FBXO11: variants seen among roughly 807,000 people sequenced by gnomAD.
The protein encoded by FBXO11 is F-box only protein 11.
FBXO11 carries 13 observed loss-of-function variants against 117.0 expected under a neutral mutation model. The observed-to-expected ratio is 0.11, with a 90% CI of 0.07 to 0.18. The LOEUF is 0.18. Ranked by LOEUF, FBXO11 falls within the 10% of genes least tolerant of loss-of-function variation. FBXO11 has a pLI of 1.00. For synonymous variants in FBXO11, 490 were observed against 380.5 expected (o/e 1.29, Z -3.35); for missense variants, 767 against 1,164.4 (o/e 0.66, Z 4.97).
intron 1 of FBXO11, among the ~76,000 whole-genome samples, chr2:47,875,147 G>A (rs1032844347): frequency 2.6e-5 from 4 of 151,944 alleles, no homozygotes; most frequent in South Asian, 2.1e-4. Flanking sequence ...CCGTATCTGT[G>A]CAGTCCAACA....
At position 47,899,357 on chromosome 2, in the gene FBXO11, T is replaced by C. The variant is rs117420999; in HGVS notation, c.232+6132A>G. On this transcript the variant is annotated intron_variant, in intron 1 of 22. Transcript: ENST00000403359. ...TTGTAACAAGTCATACAGATTGAAT[T>C]TTATCTCTTGGGTTTAATTTTATAT... 7.6e-3 allele frequency among the ~76,000 whole-genome samples: 1,155 copies of C among 152,260 alleles called. 83 individuals are homozygous for C. Among genetic ancestry groups the C allele is most frequent in the Admixed American group, 0.066 (1,008 of 15,298 alleles).
chr2:47,821,754 C>T (rs558226162), intron 13 of FBXO11, among the ~76,000 whole-genome samples: 12 of 152,228 alleles, frequency 7.9e-5, no homozygotes, highest in African/African-American at 2.6e-4. Context: ...CACTGCACTC[C>T]AGCCTAGGCA....
intron 1 of FBXO11, among the ~76,000 whole-genome samples, chr2:47,853,452 T>G (rs1428533022): frequency 6.6e-6 from 1 of 152,136 alleles, no homozygotes; most frequent in Admixed American, 6.6e-5. Context: ...TTAAATCAGA[T>G]CCTTTATTTT....
intron 1 of FBXO11, among the ~76,000 whole-genome samples, chr2:47,890,996 A>AAT (rs563213311): frequency 2.0e-5 from 3 of 149,072 alleles, no homozygotes; most frequent in African/African-American, 4.9e-5. Flanking sequence ...TTTTTTTTTA[A>AAT]TTTTTTTTGT....
At chr2:47,874,662 G>C (rs1210571063) in intron 1 of FBXO11, among the ~76,000 whole-genome samples, 1 of 152,062 alleles carries the variant, frequency 6.6e-6, no homozygotes, top group East Asian at 1.9e-4. Context: ...AGCCTCCTGA[G>C]TAGCTGGGAC....
intron 1 of FBXO11, among the ~76,000 whole-genome samples, chr2:47,846,530 G>A (rs567034686): frequency 6.6e-6 from 1 of 152,010 alleles, no homozygotes; most frequent in African/African-American, 2.4e-5. Flanking sequence ...TTATGCCAAT[G>A]ATTGTCAAGT....
At chr2:47,854,796 T>A (rs1239639908) in intron 1 of FBXO11, among the ~76,000 whole-genome samples, 1 of 151,778 alleles carries the variant, frequency 6.6e-6, no homozygotes, top group Non-Finnish European at 1.5e-5. Context: ...TTGAGAACCA[T>A]GGGAGTCAAA....
Position 47,900,595 on chromosome 2 carries a change from T to TATAC in FBXO11, c.232+4893_232+4894insGTAT, listed in dbSNP as rs1558486184. Among the ~76,000 whole-genome samples the TATAC allele has an allele frequency of 1.8e-4, 21 of 114,820 alleles. 3 individuals are homozygous for TATAC. The highest frequency in any genetic ancestry group is 4.0e-4 in the Admixed American group (5 of 12,566). The allele number at this position is 114,820 out of a possible 152,430, so 75.3% of individuals were successfully genotyped here. On this transcript the variant is annotated intron_variant, in intron 1 of 22. Coordinates refer to ENST00000403359, the MANE Select transcript of FBXO11 (RefSeq NM_001190274.2). ...ACGTATACACACATATATACGTATA[T>TATAC]ACACACGTATACACACGTATATACA...
intron 1 of FBXO11, among the ~76,000 whole-genome samples, chr2:47,862,036 C>T (rs1041471842): frequency 3.4e-4 from 52 of 152,236 alleles, no homozygotes; most frequent in South Asian, 6.2e-4. Flanking sequence ...CCACAGCCTC[C>T]CGAGTGGCTG....
At chr2:47,823,114 A>G (rs748770575) in intron 12 of FBXO11, 29 bp downstream of exon 12, 1 of 1,508,446 alleles carries the variant, frequency 6.6e-7, no homozygotes, top group Non-Finnish European at 9.0e-7. Flanking sequence ...GTGAAAAAGT[A>G]ATTTTCACCC....
rs7578328 is a variant in FBXO11, at chr2:47,820,077, C to A, written c.1797+285G>T. ...GCAAATGAACTGCTGCTGAGGCTAG[C>A]CCATATTGCCAATAATAAAGACTTT... is the stretch of plus-strand genomic sequence containing the variant. On this transcript the variant is annotated intron_variant, in intron 14 of 22. Transcript: ENST00000403359. Among the ~76,000 whole-genome samples, 991 of 152,234 alleles carry A rather than the reference C, an allele frequency of 6.5e-3. 11 individuals carry two copies. The highest frequency in any genetic ancestry group is 0.023 in the African/African-American group (975 of 41,534).
intron 14 of FBXO11, among the ~76,000 whole-genome samples, chr2:47,820,019 C>T (rs1251863936): frequency 1.3e-5 from 2 of 152,098 alleles, no homozygotes; most frequent in Non-Finnish European, 2.9e-5. Flanking sequence ...TAGTCATACT[C>T]GTAAAATTCT....
intron 4 of FBXO11, among the ~76,000 whole-genome samples, chr2:47,837,260 C>T (rs1240894909): frequency 1.3e-5 from 2 of 152,214 alleles, no homozygotes; most frequent in Non-Finnish European, 2.9e-5. Context: ...GGCACAGTGG[C>T]CCATGCCTGT....
intron 1 of FBXO11, among the ~76,000 whole-genome samples, chr2:47,847,884 G>A (rs940679591): frequency 1.3e-5 from 2 of 152,016 alleles, no homozygotes; most frequent in East Asian, 3.9e-4. Flanking sequence ...CAGCACTTTG[G>A]GAGGCTGAGG....
rs141721536 is a variant in FBXO11 at position 47,880,651 on chromosome 2, C to T, written c.232+24838G>A. ...GGTTATTTCTGCTTCACCAAGTTTG[C>T]TATGTTATCTGACATATTGCTATTC... On this transcript the variant is annotated intron_variant, in intron 1 of 22. Coordinates refer to ENST00000403359, the MANE Select transcript of FBXO11 (RefSeq NM_001190274.2). Among the ~76,000 whole-genome samples, 3 of 152,192 alleles carry T rather than the reference C, an allele frequency of 2.0e-5. No homozygotes were observed. In the East Asian group the frequency reaches 5.8e-4, roughly 29 times the overall value.
At chr2:47,852,535 C>G (rs1302605080) in intron 1 of FBXO11, among the ~76,000 whole-genome samples, 1 of 152,080 alleles carries the variant, frequency 6.6e-6, no homozygotes, top group Non-Finnish European at 1.5e-5. Flanking sequence ...GGTTAGAAAG[C>G]CAATAAATGG....
At chr2:47,819,161 A>T (rs1414537966) in intron 14 of FBXO11, 83 bp from the exon 15 acceptor site, 1 of 1,421,092 alleles carries the variant, frequency 7.0e-7, no homozygotes, top group South Asian at 1.4e-5. Context: ...ATAGACAGTT[A>T]AAAAATTTTC....
chr2:47,859,018 G>T (rs1674540025), intron 1 of FBXO11, among the ~76,000 whole-genome samples: 1 of 147,076 alleles, frequency 6.8e-6, no homozygotes, highest in Non-Finnish European at 1.5e-5. Context: ...TCCAGCCTGG[G>T]CGACTGAGCA....
intron 1 of FBXO11, among the ~76,000 whole-genome samples, chr2:47,900,628 ACACACACGTACGTATATACACACGTAT>A (rs1678075805): frequency 4.9e-5 from 2 of 40,944 alleles, no homozygotes; most frequent in African/African-American, 1.7e-4. Flanking sequence ...ACACACGTAT[ACACACACGTACGTATATACACACGTAT>A]ACACACACGT....
Sources: gnomAD v4.1 joint callset for allele counts (sites outside exome capture counted in the v4.1 genomes callset) on GRCh38, gnomAD v4.1.1 for gene constraint, MANE v1.5 for transcripts, NCBI Gene and HGNC (gene_info 2026-07-23, HGNC 2026-07-21) for gene names.